The following SERPINI1 variants were observed in gnomAD, a reference collection of about 807,000 sequenced individuals.
The protein encoded by SERPINI1 is serpin family I member 1, also known as neuroserpin.
SERPINI1 carries 19 observed loss-of-function variants against 41.1 expected under a neutral mutation model. The observed-to-expected ratio is 0.46, with a 90% CI of 0.32 to 0.68. SERPINI1 has a LOEUF of 0.68. SERPINI1 is among the 30% of genes least tolerant of loss of function. The pLI, the probability that SERPINI1 is intolerant of heterozygous loss-of-function variation, is 0.03. For synonymous variants in SERPINI1, 138 were observed against 156.6 expected, an observed-to-expected ratio of 0.88 and a Z score of 0.89; for missense variants, 460 against 479.2, an observed-to-expected ratio of 0.96 and a Z score of 0.37.
At position 167,793,831 on chromosome 3, in the gene SERPINI1, C is replaced by CGTGTGTGT. The variant is rs753115772; in HGVS notation, c.677-789_677-788insGTGTGTGT. Among the ~76,000 whole-genome samples, 851 of 110,524 alleles carry CGTGTGTGT rather than the reference C, an allele frequency of 7.7e-3. 9 individuals carry two copies. Among genetic ancestry groups the CGTGTGTGT allele is most frequent in the East Asian group, 0.028 (119 of 4,308 alleles). 72.5% of individuals were successfully genotyped at this position (110,524 alleles called of 152,430 possible). ...GTATATATATATAGTTCATTTTGGC[C>CGTGTGTGT]ATATGTATGTGTGTGTGTGTGTGTG... is the stretch of plus-strand genomic sequence containing the variant. On this transcript the variant is annotated intron_variant, in intron 4 of 8. Coordinates refer to ENST00000446050, the MANE Select transcript of SERPINI1 (RefSeq NM_001122752.2).
At chr3:167,775,368 TCTC>T (rs1726934818) in intron 1 of SERPINI1, among the ~76,000 whole-genome samples, 1 of 151,352 alleles carries the variant, frequency 6.6e-6, no homozygotes, top group African/African-American at 2.4e-5. Flanking sequence ...TTCAAACAGT[TCTC>T]CTGCCTCAGC....
chr3:167,795,945 A>G (rs9653994), intron 5 of SERPINI1, among the ~76,000 whole-genome samples: 43,476 of 152,024 alleles, frequency 0.29, 6,529 homozygotes, highest in Non-Finnish European at 0.31. Context: ...GATTAAATAT[A>G]TACGTATGTA....
chr3:167,814,859 G>A (rs1419645053), intron 6 of SERPINI1, among the ~76,000 whole-genome samples: 8 of 152,174 alleles, frequency 5.3e-5, no homozygotes, highest in Admixed American at 4.6e-4. Flanking sequence ...CATGCTGCCT[G>A]GAGGAAAGTA....
chr3:167,754,777 T>C (rs1358975166), intron 1 of SERPINI1, among the ~76,000 whole-genome samples: 1 of 152,206 alleles, frequency 6.6e-6, no homozygotes, highest in Non-Finnish European at 1.5e-5. Flanking sequence ...TTTCATTTTC[T>C]TCCACTTCAG....
chr3:167,792,727 G>C lies in SERPINI1; in HGVS notation c.619G>C (p.Asp207His), dbSNP rs889837897. The C allele has an allele frequency of 3.7e-6, 6 of 1,613,800 alleles. No homozygotes were observed. Among genetic ancestry groups the C allele is most frequent in the African/African-American group, 1.3e-5 (1 of 75,018 alleles). The change falls in exon 4 of 9, where the codon GAT (aspartate) becomes CAT (histidine). Residue 207 changes from aspartate (D) to histidine (H), a missense_variant. By Grantham distance (81) the Asp-to-His change is moderately conservative (BLOSUM62 -1). Coordinates refer to ENST00000446050, the MANE Select transcript of SERPINI1 (RefSeq NM_001122752.2). ...TACTAGAACCTTTTCTTTCACTAAAGATGATGAAAGTGAAGTCCAAATTCC... is the reference window on the plus strand; with the variant it reads ...TACTAGAACCTTTTCTTTCACTAAACATGATGAAAGTGAAGTCCAAATTCC... ...ENTRTFSFTK[D>H]DESEVQIPMM...
chr3:167,783,239 A>G (rs889205256), intron 1 of SERPINI1, among the ~76,000 whole-genome samples: 10 of 152,202 alleles, frequency 6.6e-5, no homozygotes, highest in African/African-American at 2.4e-4. Context: ...GGGATGATCA[A>G]CAGGAGAGGT....
intron 1 of SERPINI1, among the ~76,000 whole-genome samples, chr3:167,762,999 A>G (rs554474982): frequency 3.3e-5 from 5 of 151,894 alleles, no homozygotes; most frequent in East Asian, 1.9e-4. Flanking sequence ...TCTGCTTACT[A>G]TTTTTCAGCT....
intron 1 of SERPINI1, among the ~76,000 whole-genome samples, chr3:167,744,712 TATATATAA>T (rs1178951675): frequency 1.2e-3 from 158 of 128,908 alleles, no homozygotes; most frequent in African/African-American, 1.8e-3. Context: ...ATATATAAAA[TATATATAA>T]ATATATAAAT....
intron 1 of SERPINI1, among the ~76,000 whole-genome samples, chr3:167,784,886 A>C (rs1727258464): frequency 1.3e-5 from 2 of 152,310 alleles, no homozygotes; most frequent in South Asian, 4.1e-4. Flanking sequence ...TAACTTAAAA[A>C]AATATAGATA....
At chr3:167,790,049 AC>A (rs1727447294) in intron 2 of SERPINI1, among the ~76,000 whole-genome samples, 1 of 152,220 alleles carries the variant, frequency 6.6e-6, no homozygotes, top group Non-Finnish European at 1.5e-5. Context: ...TAAACTAGGT[AC>A]TTTTTTCTAA....
chr3:167,783,794 G>T (rs1314008282), intron 1 of SERPINI1, among the ~76,000 whole-genome samples: 1 of 152,202 alleles, frequency 6.6e-6, no homozygotes. Context: ...ACTAGCAGAG[G>T]TAATTTTGCT....
chr3:167,764,325 G>A (rs1253520423), intron 1 of SERPINI1, among the ~76,000 whole-genome samples: 3 of 152,156 alleles, frequency 2.0e-5, no homozygotes, highest in South Asian at 2.1e-4. Flanking sequence ...ACAGTTCCAC[G>A]TGGCTGGGGA....
intron 5 of SERPINI1, among the ~76,000 whole-genome samples, chr3:167,800,704 G>A (rs1727870225): frequency 6.6e-6 from 1 of 152,148 alleles, no homozygotes. Flanking sequence ...AAACTATCCT[G>A]ATATTTTGAA....
At chr3:167,746,772 G>T (rs1477411922) in intron 1 of SERPINI1, among the ~76,000 whole-genome samples, 5 of 152,168 alleles carry the variant, frequency 3.3e-5, no homozygotes, top group Non-Finnish European at 7.4e-5. Context: ...AAAAGTACTG[G>T]TGAGGATGTG....
chr3:167,805,293 G>T (rs1462588995), intron 5 of SERPINI1, among the ~76,000 whole-genome samples: 7 of 152,072 alleles, frequency 4.6e-5, no homozygotes, highest in African/African-American at 1.7e-4. Flanking sequence ...TTTCTCTAAC[G>T]ACCAGTGATG....
intron 6 of SERPINI1, among the ~76,000 whole-genome samples, chr3:167,819,547 T>G (rs1431720743): frequency 6.6e-6 from 1 of 152,240 alleles, no homozygotes; most frequent in Non-Finnish European, 1.5e-5. Flanking sequence ...GCACTACTTA[T>G]ATCTTAATAC....
intron 5 of SERPINI1, among the ~76,000 whole-genome samples, chr3:167,803,105 C>T (rs1201253123): frequency 1.3e-5 from 2 of 150,936 alleles, no homozygotes; most frequent in Non-Finnish European, 2.9e-5. Context: ...GGAAGGGGAA[C>T]ATCACACTCT....
At chr3:167,766,029 A>G (rs1726556150) in intron 1 of SERPINI1, among the ~76,000 whole-genome samples, 1 of 152,154 alleles carries the variant, frequency 6.6e-6, no homozygotes, top group Non-Finnish European at 1.5e-5. Context: ...AGGAAGCTCC[A>G]AAATTTCCCA....
chr3:167,754,822 A>G (rs569837263), intron 1 of SERPINI1, among the ~76,000 whole-genome samples: 5 of 152,248 alleles, frequency 3.3e-5, no homozygotes, highest in Non-Finnish European at 7.4e-5. Context: ...CGTGTCCACC[A>G]TGGAGTTCAG....
Sources: allele counts gnomAD v4.1 joint callset (sites outside exome capture counted in the v4.1 genomes callset), GRCh38; gene constraint gnomAD v4.1.1; transcripts MANE v1.5; gene names NCBI Gene and HGNC (gene_info 2026-07-23, HGNC 2026-07-21).